CAMTA1: variants seen among roughly 807,000 people sequenced by gnomAD.
The protein encoded by CAMTA1 is calmodulin-binding transcription activator 1.
In CAMTA1, 27 loss-of-function variants were observed where a neutral mutation model predicts 170.9. That is an observed-to-expected ratio of 0.16 (90% confidence interval 0.12 to 0.22). CAMTA1 has a LOEUF of 0.22. Ranked by LOEUF, CAMTA1 falls within the 10% of genes least tolerant of loss-of-function variation. The pLI is 1.00. For synonymous variants in CAMTA1, 833 were observed against 891.5 expected, an observed-to-expected ratio of 0.93 and a Z score of 1.17; for missense variants, 1,619 against 2,217.2, an observed-to-expected ratio of 0.73 and a Z score of 5.42.
chr1:7,088,668 G>A (rs1641068388), intron 3 of CAMTA1, among the ~76,000 whole-genome samples: 1 of 152,102 alleles, frequency 6.6e-6, no homozygotes, highest in Non-Finnish European at 1.5e-5. Context: ...CCAGGGTTTT[G>A]GAACAAATCA....
At chr1:7,366,368 T>C (rs922166167) in intron 5 of CAMTA1, among the ~76,000 whole-genome samples, 2 of 152,082 alleles carry the variant, frequency 1.3e-5, no homozygotes, top group Admixed American at 6.6e-5. Context: ...ACAGGGGAGG[T>C]GACCCCCTTC....
chr1:6,942,572 T>C (rs1203029125), intron 3 of CAMTA1, among the ~76,000 whole-genome samples: 1 of 152,134 alleles, frequency 6.6e-6, no homozygotes, highest in African/African-American at 2.4e-5. Context: ...GGTGAGAGGA[T>C]CACCTGAGCC....
intron 3 of CAMTA1, among the ~76,000 whole-genome samples, chr1:6,988,185 A>G (rs1039409263): frequency 6.6e-6 from 1 of 152,126 alleles, no homozygotes; most frequent in East Asian, 1.9e-4. Flanking sequence ...GGGGACCCCC[A>G]GTGCAGTCTG....
At chr1:7,177,756 C>G (rs1651227429) in intron 4 of CAMTA1, among the ~76,000 whole-genome samples, 1 of 151,372 alleles carries the variant, frequency 6.6e-6, no homozygotes, top group Non-Finnish European at 1.5e-5. Context: ...TCTAACATGT[C>G]AAAGCCCTGC....
intron 5 of CAMTA1, among the ~76,000 whole-genome samples, chr1:7,397,685 G>T (rs890549875): frequency 6.6e-6 from 1 of 151,872 alleles, no homozygotes; most frequent in African/African-American, 2.4e-5. Context: ...CATAGGTTGT[G>T]GTATGTTATG....
At chr1:7,326,902 G>A (rs1163517693) in intron 5 of CAMTA1, among the ~76,000 whole-genome samples, 1 of 152,190 alleles carries the variant, frequency 6.6e-6, no homozygotes, top group African/African-American at 2.4e-5. Context: ...AAAGCAGGTA[G>A]AGAAGATATG....
chr1:6,896,018 A>G (rs1675593522), intron 3 of CAMTA1, among the ~76,000 whole-genome samples: 2 of 152,316 alleles, frequency 1.3e-5, no homozygotes, highest in African/African-American at 4.8e-5. Context: ...CATTGATTAA[A>G]TCAGTGCAGG....
chr1:7,204,316 T>G (rs919818557), intron 4 of CAMTA1, among the ~76,000 whole-genome samples: 7 of 152,188 alleles, frequency 4.6e-5, no homozygotes, highest in Non-Finnish European at 5.9e-5. Context: ...TTAATATTTT[T>G]GGGGGAGAAG....
chr1:7,272,473 A>G (rs1669940224), intron 5 of CAMTA1, among the ~76,000 whole-genome samples: 1 of 152,226 alleles, frequency 6.6e-6, no homozygotes, highest in South Asian at 2.1e-4. Context: ...TTGGAGAACT[A>G]AAAATTCTCA....
Position 7,443,570 on chromosome 1 carries a change from C to T in CAMTA1, c.439-24260C>T, listed in dbSNP as rs1026760261. ...TATGGCCCTGCTAGGGCACTGGGAA[C>T]CCAGTCTCACCTTCCAGCCATATTG... On this transcript the variant is annotated intron_variant, in intron 5 of 22. Transcript: ENST00000303635. The surrounding 1 kb of genome is among the most constrained non-coding windows in gnomAD (Gnocchi z 4.1). Among the ~76,000 whole-genome samples, 10 of 152,056 alleles carry T rather than the reference C, an allele frequency of 6.6e-5. No individual in the cohort carries two copies. Among genetic ancestry groups the T allele is most frequent in the African/African-American group, 2.4e-4 (10 of 41,412 alleles).
chr1:7,743,979 A>G (rs1261781067), intron 16 of CAMTA1, among the ~76,000 whole-genome samples: 1 of 150,378 alleles, frequency 6.6e-6, no homozygotes, highest in Non-Finnish European at 1.5e-5. Context: ...GGCGCCCGCC[A>G]CCACGCCCAG....
intron 6 of CAMTA1, among the ~76,000 whole-genome samples, chr1:7,626,248 G>A (rs149531202): frequency 2.5e-4 from 38 of 152,282 alleles, no homozygotes; most frequent in Admixed American, 7.2e-4. Flanking sequence ...TTGATGGACC[G>A]GGCACAATTC....
intron 3 of CAMTA1, among the ~76,000 whole-genome samples, chr1:7,046,363 C>A (rs907115752): frequency 2.0e-5 from 3 of 152,220 alleles, no homozygotes; most frequent in Non-Finnish European, 4.4e-5. Flanking sequence ...ATACCAGAGC[C>A]TCCCAAGTCC....
At chr1:6,827,158 A>G (rs908886391) in intron 3 of CAMTA1, among the ~76,000 whole-genome samples, 15 of 152,376 alleles carry the variant, frequency 9.8e-5, no homozygotes, top group African/African-American at 2.9e-4. Flanking sequence ...TCACTGGTGT[A>G]ATGCAAATTT....
intron 3 of CAMTA1, among the ~76,000 whole-genome samples, chr1:6,982,547 G>C (rs1694610830): frequency 1.3e-5 from 2 of 152,210 alleles, no homozygotes; most frequent in South Asian, 4.1e-4. Flanking sequence ...AGTGTTTCCT[G>C]CCTGAATTTC....
intron 5 of CAMTA1, among the ~76,000 whole-genome samples, chr1:7,413,246 T>G (rs1207269301): frequency 1.3e-5 from 2 of 152,212 alleles, no homozygotes; most frequent in African/African-American, 4.8e-5. Flanking sequence ...CGGGCTCTTT[T>G]TTGGTTCCAT....
In CAMTA1 at chr1:7,239,713, A is replaced by G. The variant is rs953066160; in HGVS notation, c.303-9778A>G. Among the ~76,000 whole-genome samples the G allele has an allele frequency of 7.6e-5, 11 of 144,676 alleles. No homozygotes were observed. The South Asian group carries it at 2.4e-3, about 31-fold the overall frequency. The allele number at this position is 144,676 out of a possible 152,430, so 94.9% of individuals were successfully genotyped here. A position where few individuals can be genotyped will look rare whatever the true frequency, so the allele number is the denominator to read the frequency against. On this transcript the variant is annotated intron_variant, in intron 4 of 22. Coordinates refer to ENST00000303635, the MANE Select transcript of CAMTA1 (RefSeq NM_015215.4). ...TGTCTTAGTCCATTTGTGTTGCTAT[A>G]ATGGAATACTACAGACTGGGTAATT...
rs1049111385 is a variant in CAMTA1, at chr1:6,785,466, G to T, written c.-65G>T. 29 of 991,512 alleles carry T rather than the reference G, an allele frequency of 2.9e-5. No homozygotes were observed. The highest frequency in any genetic ancestry group is 3.4e-5 in the Non-Finnish European group (28 of 822,920). The allele number at this position is 991,512 out of a possible 1,614,324, so 61.4% of individuals were successfully genotyped here. A position where few individuals can be genotyped will look rare whatever the true frequency, so the allele number is the denominator to read the frequency against. ...GCGGGTGCGCGGCGGCGGCGGGGTG[G>T]CTGGGCCGGCGGCGGCGGCGGTACG... is the stretch of plus-strand genomic sequence containing the variant. On this transcript the variant is annotated 5_prime_UTR_variant, in exon 1 of 23. Transcript: ENST00000303635.
chr1:7,766,428 C>T (rs765615047), intron 22 of CAMTA1, 31 bp from the exon 23 acceptor site: 22 of 1,611,536 alleles, frequency 1.4e-5, no homozygotes, highest in South Asian at 6.6e-5. Flanking sequence ...ATAGAGTTAT[C>T]GCCTGCTGTT....
Sources: allele counts gnomAD v4.1 joint callset (sites outside exome capture counted in the v4.1 genomes callset), GRCh38; gene constraint gnomAD v4.1.1; non-coding constraint Gnocchi (gnomAD v3.1); transcripts MANE v1.5; gene names NCBI Gene and HGNC (gene_info 2026-07-23, HGNC 2026-07-21).